Variants in FAN1 observed in about 807,000 individuals in gnomAD.
FAN1 encodes FANCD2 and FANCI associated nuclease 1.
FAN1 carries 91 observed loss-of-function variants against 104.9 expected under a neutral mutation model. The ratio of observed to expected loss-of-function variants is 0.87; its 90% CI spans 0.73 to 1.03. FAN1 has a LOEUF of 1.03. Ranked by LOEUF, FAN1 falls within the 50% of genes least tolerant of loss-of-function variation. The pLI, the probability that FAN1 is intolerant of heterozygous loss-of-function variation, is 0.00. For synonymous variants in FAN1, 478 were observed against 457.6 expected (o/e 1.04, Z -0.57); for missense variants, 1,263 against 1,239.9 (o/e 1.02, Z -0.28).
chr15:30,910,573 A>G, intron 3 of FAN1, 41 bp from the exon 4 acceptor site: 1 of 1,313,822 alleles, frequency 7.6e-7, no homozygotes, highest in Non-Finnish European at 1.1e-6. Context: ...AAGCTAGAAA[A>G]TAGTAAAATT....
At chr15:30,937,301 T>A (rs912131639) in intron 14 of FAN1, 42 bp downstream of exon 14, 7 of 1,554,458 alleles carry the variant, frequency 4.5e-6, no homozygotes, top group Admixed American at 3.9e-5. Flanking sequence ...AATGTAAGAT[T>A]TTCAAGAGTA....
rs1038046539 is a variant in FAN1 at position 30,942,767 on chromosome 15, C to T, written c.*1205C>T. 1 of 1,035,648 alleles carries T rather than the reference C, an allele frequency of 9.7e-7. No homozygotes were observed. The highest frequency in any genetic ancestry group is 1.7e-5 in the African/African-American group (1 of 60,530). 64.2% of individuals were successfully genotyped at this position (1,035,648 alleles called of 1,614,324 possible). On this transcript the variant is annotated 3_prime_UTR_variant, in exon 15 of 15. Coordinates refer to ENST00000362065, the MANE Select transcript of FAN1 (RefSeq NM_014967.5). ...ATTTGAGTTAAAAAGGGAATGACCC[C>T]TCAGAAACCCGCATTAGCAGTGTTA...
At chr15:30,926,183 G>A (rs1208689298) in intron 10 of FAN1, among the ~76,000 whole-genome samples, 2 of 152,212 alleles carry the variant, frequency 1.3e-5, no homozygotes, top group African/African-American at 4.8e-5. Flanking sequence ...AAAAGTTATG[G>A]AAGGTACTGC....
intron 3 of FAN1, among the ~76,000 whole-genome samples, chr15:30,909,621 A>G (rs1206466380): frequency 6.6e-6 from 1 of 152,236 alleles, no homozygotes; most frequent in South Asian, 2.1e-4. Flanking sequence ...GTCAAGTGCA[A>G]GTCCCATCCA....
In FAN1 at chr15:30,920,585, G is replaced by A; in HGVS notation, c.1984G>A (p.Val662Ile). The A allele has an allele frequency of 6.2e-7, 1 of 1,611,868 alleles. No individual in the cohort carries two copies. The highest frequency in any genetic ancestry group is 8.5e-7 in the Non-Finnish European group (1 of 1,179,078). Residue 662 changes from valine (V) to isoleucine (I), a missense_variant, in exon 7 of 15, where the codon GTT becomes ATT. Around this residue, in one of 2 missense-constraint regions of FAN1, gnomAD observed 581 missense variants for 668.8 expected, o/e 0.87. Transcript: ENST00000362065. Reference protein sequence around the residue: ...DLPLFLRCFTVGWIYTRILSR... With the variant: ...DLPLFLRCFTIGWIYTRILSR... ...ACCACTCTTCCTGCGGTGTTTCACTGTTGGGTGGATTTATACAAGGATTTT... is the reference window on the plus strand; with the variant it reads ...ACCACTCTTCCTGCGGTGTTTCACTATTGGGTGGATTTATACAAGGATTTT...
intron 3 of FAN1, among the ~76,000 whole-genome samples, chr15:30,908,696 T>C (rs375018589): frequency 6.9e-6 from 1 of 145,052 alleles, no homozygotes; most frequent in African/African-American, 2.5e-5. Context: ...AAATACAAAA[T>C]TAGGTGTGGT....
At chr15:30,920,016 A>G (rs186315888) in intron 6 of FAN1, among the ~76,000 whole-genome samples, 222 of 152,372 alleles carry the variant, frequency 1.5e-3, no homozygotes, top group Admixed American at 2.9e-3. Context: ...AAAAGGTCAC[A>G]TAGTGAATAT....
intron 8 of FAN1, 111 bp downstream of exon 8, chr15:30,922,465 T>A: frequency 9.1e-7 from 1 of 1,101,870 alleles, no homozygotes; most frequent in Non-Finnish European, 1.3e-6. Context: ...ATGTATTTCT[T>A]TTGTTAACAT....
chr15:30,929,199 A>G lies in FAN1; in HGVS notation c.2593-4A>G, dbSNP rs768067584. 1.8e-5 allele frequency: 29 copies of G among 1,610,234 alleles called. No individual in the cohort carries two copies. The African/African-American group carries it at 3.5e-4, about 19-fold the overall frequency. ...TATGACAGCTTGCTTTCCCTGTGAC[A>G]CAGGCATTCCCCCTGGACTTGTGCA... is the stretch of plus-strand genomic sequence containing the variant. On this transcript the variant is annotated splice_region_variant and splice_polypyrimidine_tract_variant and intron_variant, in intron 11 of 14. Transcript: ENST00000362065.
Position 30,925,138 on chromosome 15 carries a change from C to CA in FAN1, c.2185dup (p.Ile729AsnfsTer32). ...ATGCTCTCTGCCAGACTATCAAGTG[C>CA]ATCACAGAGGGGCTGGCGGATCCGG... On this transcript the variant is annotated frameshift_variant, in exon 9 of 15. Transcript: ENST00000362065. LOFTEE classifies it high-confidence loss of function. 1 of 1,613,558 alleles carries CA rather than the reference C, an allele frequency of 6.2e-7. No individual in the cohort carries two copies. The highest frequency in any genetic ancestry group is 8.5e-7 in the Non-Finnish European group (1 of 1,179,742).
Position 30,929,909 on chromosome 15 carries a change from TATA to T in FAN1, c.2787+516_2787+518del, listed in dbSNP as rs1425748237. ...TATATCATATATAATATATAAAATA[TATA>T]ATATATATCATATATAATATATAAA... On this transcript the variant is annotated intron_variant, in intron 12 of 14. Coordinates refer to ENST00000362065, the MANE Select transcript of FAN1 (RefSeq NM_014967.5). 3.6e-4 allele frequency among the ~76,000 whole-genome samples: 14 copies of T among 38,846 alleles called. 2 individuals are homozygous for T. The East Asian group carries it at 0.031, about 87-fold the overall frequency. The allele number at this position is 38,846 out of a possible 152,430, so 25.5% of individuals were successfully genotyped here. A position where few individuals can be genotyped will look rare whatever the true frequency, so the allele number is the denominator to read the frequency against.
chr15:30,928,244 T>C, intron 10 of FAN1: 2 of 1,111,248 alleles, frequency 1.8e-6, no homozygotes, highest in Non-Finnish European at 2.2e-6. Flanking sequence ...CCTATTTTTC[T>C]TTTAAACATG....
intron 12 of FAN1, among the ~76,000 whole-genome samples, 178 bp downstream of exon 12, chr15:30,929,575 TTTA>T (rs1405691300): frequency 1.1e-4 from 14 of 132,622 alleles, no homozygotes; most frequent in South Asian, 4.4e-4. Context: ...CTTTATTATA[TTTA>T]TTATATTATA....
At chr15:30,913,120 G>T (rs2140912681) in intron 4 of FAN1, among the ~76,000 whole-genome samples, 1 of 152,344 alleles carries the variant, frequency 6.6e-6, no homozygotes, top group South Asian at 2.1e-4. Flanking sequence ...ACAGCAGAAG[G>T]TGAGCAGTGT....
chr15:30,922,455 A>C, intron 8 of FAN1, 101 bp downstream of exon 8: 1 of 1,181,058 alleles, frequency 8.5e-7, no homozygotes, highest in Non-Finnish European at 1.2e-6. Context: ...TAATTAGAAC[A>C]TGTATTTCTT....
intron 12 of FAN1, 50 bp downstream of exon 12, chr15:30,929,447 C>T: frequency 6.9e-7 from 1 of 1,446,488 alleles, no homozygotes; most frequent in Non-Finnish European, 9.4e-7. Context: ...TAACACCGCC[C>T]CAGTGCTGTC....
chr15:30,908,538 T>C (rs1187765556), intron 3 of FAN1, among the ~76,000 whole-genome samples: 2 of 152,136 alleles, frequency 1.3e-5, no homozygotes, highest in African/African-American at 4.8e-5. Context: ...TAGACATGGG[T>C]GTGTGCCACA....
At position 30,908,196 on chromosome 15, in the gene FAN1, A is replaced by C; in HGVS notation, c.1313A>C (p.Glu438Ala). Residue 438 changes from glutamate (E) to alanine (A), a missense_variant, in exon 3 of 15, where the codon GAG (glutamate) becomes GCG (alanine). Physicochemically the swap from Glu to Ala is moderately radical, Grantham distance 107. This residue lies in a region of FAN1 where 682 missense variants were observed against 571.1 expected (regional missense o/e 1.19). Transcript: ENST00000362065. Reference protein sequence around the residue: ...WIKMTKLEYEEIALDLTPVIE... With the variant: ...WIKMTKLEYEAIALDLTPVIE... ...AAGATGACCAAATTAGAGTATGAAGAGATTGCCTTAGACTTAACACCTGTG... is the reference window on the plus strand; with the variant it reads ...AAGATGACCAAATTAGAGTATGAAGCGATTGCCTTAGACTTAACACCTGTG... 6.2e-7 allele frequency: 1 copy of C among 1,611,970 alleles called. No homozygotes were observed.
rs534797000 is a variant in FAN1 at position 30,920,209 on chromosome 15, CTTTA to C, written c.1944-329_1944-326del. 4.8e-3 allele frequency among the ~76,000 whole-genome samples: 734 copies of C among 152,322 alleles called. 7 individuals carry two copies. The highest frequency in any genetic ancestry group is 0.017 in the African/African-American group (690 of 41,572). On this transcript the variant is annotated intron_variant, in intron 6 of 14. Coordinates refer to ENST00000362065, the MANE Select transcript of FAN1 (RefSeq NM_014967.5). Reference sequence around the variant, plus strand: ...TTCGCATACCAAAGTGTATTATTCTCTTTATTTATTAACAATTTAAAAACATAAA... The same window carrying C: ...TTCGCATACCAAAGTGTATTATTCTCTTTATTAACAATTTAAAAACATAAA...
Sources: gnomAD v4.1 joint callset for allele counts (sites outside exome capture counted in the v4.1 genomes callset) on GRCh38, gnomAD v4.1.1 for gene constraint, gnomAD v4.1.1 regional missense constraint, MANE v1.5 for transcripts, NCBI Gene and HGNC (gene_info 2026-07-23, HGNC 2026-07-21) for gene names.